Variants in KIF6 observed in about 807,000 individuals in gnomAD.
KIF6 encodes the protein kinesin family member 6, also known as kinesin-like protein KIF6.
In KIF6, 106 loss-of-function variants were observed where a neutral mutation model predicts 112.7. The ratio of observed to expected loss-of-function variants is 0.94; its 90% confidence interval spans 0.80 to 1.11. The LOEUF is 1.11. Among genes scored for constraint, KIF6 ranks in the 50% least tolerant of loss-of-function variants. KIF6 has a pLI of 0.00. For missense variants in KIF6, 929 were observed against 964.0 expected, an observed-to-expected ratio of 0.96 and a Z score of 0.48; for synonymous variants, 339 against 339.9, an observed-to-expected ratio of 1.00 and a Z score of 0.03.
rs761775394 is a variant in KIF6 at position 39,634,856 on chromosome 6, C to A, written c.502G>T (p.Asp168Tyr). Reference sequence around the variant, plus strand: ...TGTTGTTCTGCTACTCACGGCAAATCTTCCAAACTGGAGGCTTCATGTCTT... The same window carrying A: ...TGTTGTTCTGCTACTCACGGCAAATATTCCAAACTGGAGGCTTCATGTCTT... ...DPRHEASSLE[D>Y]LPKVTILEDP... The change falls in exon 5 of 23, where the codon GAT becomes TAT. Residue 168 changes from aspartate to tyrosine, a missense_variant. By Grantham distance (160) the Asp-to-Tyr change is radical. This residue lies in a region of KIF6 where 688 missense variants were observed against 662.7 expected (regional missense o/e 1.04). Coordinates refer to ENST00000287152, the MANE Select transcript of KIF6 (RefSeq NM_145027.6). 6.9e-6 allele frequency: 11 copies of A among 1,594,756 alleles called. No homozygotes were observed. In the South Asian group the frequency reaches 9.9e-5, roughly 14 times the overall value.
At chr6:39,357,214 T>A in intron 19 of KIF6, 63 bp downstream of exon 19, 2 of 1,001,546 alleles carry the variant, frequency 2.0e-6, no homozygotes, top group South Asian at 1.4e-5. Context: ...AGGAATAGGT[T>A]AAACAGAAAG....
intron 3 of KIF6, among the ~76,000 whole-genome samples, chr6:39,641,686 GA>G (rs534393643): frequency 6.6e-6 from 1 of 151,500 alleles, no homozygotes; most frequent in African/African-American, 2.4e-5. Context: ...AAAAAAAAAG[GA>G]AAAAACTACA....
chr6:39,513,673 T>G (rs1490688095), intron 13 of KIF6, among the ~76,000 whole-genome samples: 1 of 152,188 alleles, frequency 6.6e-6, no homozygotes, highest in Admixed American at 6.5e-5. Context: ...TAGTTCTTAG[T>G]TGCTTCTGTT....
chr6:39,471,788 G>A (rs918864203), intron 13 of KIF6, among the ~76,000 whole-genome samples: 1 of 152,186 alleles, frequency 6.6e-6, no homozygotes, highest in Non-Finnish European at 1.5e-5. Flanking sequence ...AGAGCTGCTT[G>A]CTGAGCATCT....
At chr6:39,375,748 A>G (rs1766391061) in intron 16 of KIF6, among the ~76,000 whole-genome samples, 3 of 152,260 alleles carry the variant, frequency 2.0e-5, no homozygotes, top group African/African-American at 7.2e-5. Context: ...CAGCCTCCAC[A>G]CTGAGTGAGC....
chr6:39,539,579 G>A (rs1582087398), intron 13 of KIF6, among the ~76,000 whole-genome samples: 6 of 152,282 alleles, frequency 3.9e-5, no homozygotes, highest in Admixed American at 2.6e-4. Flanking sequence ...TCCTGACCTT[G>A]TGATCTGCCT....
At chr6:39,349,566 C>T (rs1764058378) in intron 19 of KIF6, among the ~76,000 whole-genome samples, 1 of 145,008 alleles carries the variant, frequency 6.9e-6, no homozygotes, top group African/African-American at 2.6e-5. Flanking sequence ...GCAGGGGGAG[C>T]AGTGGGTGGA....
chr6:39,453,083 T>G (rs1329234465), intron 13 of KIF6, among the ~76,000 whole-genome samples: 1 of 152,208 alleles, frequency 6.6e-6, no homozygotes, highest in African/African-American at 2.4e-5. Flanking sequence ...GCAATCAATT[T>G]AAACAAATGT....
intron 22 of KIF6, among the ~76,000 whole-genome samples, chr6:39,339,127 C>A (rs576800262): frequency 1.3e-5 from 2 of 152,076 alleles, no homozygotes; most frequent in East Asian, 3.8e-4. Flanking sequence ...TTTTGATTAC[C>A]GTGGGCTCCC....
At chr6:39,723,607 A>T (rs548019969) in intron 1 of KIF6, among the ~76,000 whole-genome samples, 2 of 152,336 alleles carry the variant, frequency 1.3e-5, no homozygotes, top group East Asian at 3.9e-4. Context: ...ACATGGATGA[A>T]GCTGGAAACC....
intron 9 of KIF6, chr6:39,583,446 A>G (rs1189249955): frequency 2.1e-6 from 1 of 471,534 alleles, no homozygotes; most frequent in African/African-American, 2.0e-5. Flanking sequence ...TGGTTTCTGC[A>G]GAAGAGAACT....
Position 39,634,846 on chromosome 6 carries a change from C to CA in KIF6, c.509+2dup. On this transcript the variant is annotated splice_region_variant and intron_variant, in intron 5 of 22. Coordinates refer to ENST00000287152, the MANE Select transcript of KIF6 (RefSeq NM_145027.6). The stretch of plus-strand genomic sequence containing the variant: ...CTCCATTCTTTGTTGTTCTGCTACT[C>CA]ACGGCAAATCTTCCAAACTGGAGGC... The CA allele has an allele frequency of 6.4e-7, 1 of 1,551,202 alleles. No homozygotes were observed.
intron 13 of KIF6, among the ~76,000 whole-genome samples, chr6:39,500,777 G>C (rs995587006): frequency 5.3e-5 from 8 of 152,162 alleles, no homozygotes; most frequent in Non-Finnish European, 1.2e-4. Flanking sequence ...TGGAGTTCAA[G>C]AGAGAAGCAG....
At chr6:39,382,867 G>A (rs778234637) in intron 16 of KIF6, among the ~76,000 whole-genome samples, 16 of 151,638 alleles carry the variant, frequency 1.1e-4, no homozygotes, top group Non-Finnish European at 1.9e-4. Context: ...CATTCTGACT[G>A]GTGTGAGATG....
intron 7 of KIF6, among the ~76,000 whole-genome samples, chr6:39,590,447 A>AT (rs1432756577): frequency 7.0e-5 from 8 of 114,372 alleles, no homozygotes; most frequent in South Asian, 5.6e-4. Flanking sequence ...ATATATATAT[A>AT]TATATTTTTT....
At chr6:39,724,498 C>T (rs1452965042) in intron 1 of KIF6, among the ~76,000 whole-genome samples, 1 of 149,640 alleles carries the variant, frequency 6.7e-6, no homozygotes, top group Non-Finnish European at 1.5e-5. Flanking sequence ...TATCATTGCT[C>T]AGAGTCAGGG....
At chr6:39,673,047 C>T (rs1254206812) in intron 3 of KIF6, among the ~76,000 whole-genome samples, 1 of 152,176 alleles carries the variant, frequency 6.6e-6, no homozygotes, top group East Asian at 1.9e-4. Flanking sequence ...TGACCAGAAC[C>T]ATTCTGATGA....
chr6:39,519,452 G>A (rs145211373), intron 13 of KIF6, among the ~76,000 whole-genome samples: 1 of 152,230 alleles, frequency 6.6e-6, no homozygotes, highest in Non-Finnish European at 1.5e-5. Flanking sequence ...AATGTTCAAG[G>A]GTAATGCTGC....
chr6:39,571,785 G>A (rs1208829678), intron 10 of KIF6, among the ~76,000 whole-genome samples: 1 of 152,166 alleles, frequency 6.6e-6, no homozygotes, highest in Non-Finnish European at 1.5e-5. Context: ...GCTCCTGCCA[G>A]GCCAGTTTCA....
Sources: allele counts gnomAD v4.1 joint callset (sites outside exome capture counted in the v4.1 genomes callset), GRCh38; gene constraint gnomAD v4.1.1; regional missense constraint gnomAD v4.1.1; transcripts MANE v1.5; gene names NCBI Gene and HGNC (gene_info 2026-07-23, HGNC 2026-07-21).